Variants in ZAN observed in about 807,000 individuals in gnomAD.
ZAN encodes zonadhesin (gene/pseudogene).
Under a neutral mutation model 286.2 loss-of-function variants are expected in ZAN, and 260 were observed. That is an observed-to-expected ratio of 0.91 (90% CI 0.82 to 1.01). The LOEUF is 1.01. Among genes scored for constraint, ZAN ranks in the 50% least tolerant of loss-of-function variants. The pLI, the probability that ZAN is intolerant of heterozygous loss-of-function variation, is 0.00. For missense variants in ZAN, 3,410 were observed against 3,639.2 expected (o/e 0.94, Z 1.62); for synonymous variants, 1,368 against 1,417.5 (o/e 0.97, Z 0.79).
chr7:100,736,681 C>G lies in ZAN; in HGVS notation c.253+52C>G. On this transcript the variant is annotated intron_variant, in intron 4 of 47. Transcript: ENST00000613979. ...CATGAGCAGGGAGGTGGCTGGGAGGCGGGAGTGGCTAGATGGAGAGAGAAG... is the reference window on the plus strand; with the variant it reads ...CATGAGCAGGGAGGTGGCTGGGAGGGGGGAGTGGCTAGATGGAGAGAGAAG... The G allele has an allele frequency of 3.3e-6, 5 of 1,507,774 alleles. 2 individuals are homozygous for G. The highest frequency in any genetic ancestry group is 2.7e-6 in the Non-Finnish European group (3 of 1,101,194). The allele number at this position is 1,507,774 out of a possible 1,614,324, so 93.4% of individuals were successfully genotyped here.
rs754141999 is a variant in ZAN, at chr7:100,765,515, C to G, written c.4431C>G (p.Ser1477=). 71 of 1,610,640 alleles carry G rather than the reference C, an allele frequency of 4.4e-5. No individual in the cohort carries two copies. In the East Asian group the frequency reaches 1.5e-3, roughly 35 times the overall value. ...GTGGCCTCGAGTGCATACCTCGCTC[C>G]CAGTGTGGGTGCCTCCACCCTGCAG... The part of the protein sequence containing the change: ...VLSGLECIPR[S]QCGCLHPAGS... The change falls in exon 23 of 48, where the codon TCC becomes TCG. Residue 1477 remains serine (S), a synonymous_variant. Coordinates refer to ENST00000613979, the MANE Select transcript of ZAN (RefSeq NM_003386.3).
At chr7:100,787,420 A>T (rs528342017) in intron 37 of ZAN, among the ~76,000 whole-genome samples, 1 of 152,182 alleles carries the variant, frequency 6.6e-6, no homozygotes, top group East Asian at 1.9e-4. Flanking sequence ...CTGTCTCAAA[A>T]AAAGAAAAAG....
At chr7:100,734,708 T>C (rs897966592) in intron 2 of ZAN, among the ~76,000 whole-genome samples, 3 of 137,874 alleles carry the variant, frequency 2.2e-5, no homozygotes, top group African/African-American at 8.0e-5. Flanking sequence ...TGAACAGGAA[T>C]TAAGGGGCGG....
At chr7:100,750,989 C>G in intron 12 of ZAN, 93 bp downstream of exon 12, 1 of 1,494,094 alleles carries the variant, frequency 6.7e-7, no homozygotes, top group South Asian at 1.4e-5. Flanking sequence ...AGGTGGAAAG[C>G]TGGAAAGAGA....
rs1340114854 is a variant in ZAN at position 100,763,859 on chromosome 7, G to C, written c.4040G>C (p.Ser1347Thr). 1 of 1,614,062 alleles carries C rather than the reference G, an allele frequency of 6.2e-7. No individual in the cohort carries two copies. The highest frequency in any genetic ancestry group is 1.7e-5 in the Admixed American group (1 of 60,026). ...NSPSCDSSLQ[S>T]SMSGPGFCGR... ...CCGTCTTGTGATTCATCTCTGCAGA[G>C]CAGCATGTCGGGGCCAGGGTTCTGT... The change falls in exon 21 of 48, where the codon AGC (serine) becomes ACC (threonine). Residue 1347 changes from serine (S) to threonine (T), a missense_variant. By Grantham distance (58) the Ser-to-Thr change is moderately conservative. Around this residue, in one of 7 missense-constraint regions of ZAN, gnomAD observed 1,042 missense variants for 1,058.0 expected, o/e 0.98. Coordinates refer to ENST00000613979, the MANE Select transcript of ZAN (RefSeq NM_003386.3). This position sits in a 1 kb window ranked among gnomAD's most constrained non-coding sequence, Gnocchi z 4.6.
Position 100,736,884 on chromosome 7 carries a change from G to T in ZAN, c.329G>T (p.Trp110Leu). The T allele has an allele frequency of 6.7e-7, 1 of 1,487,742 alleles. No homozygotes were observed. The highest frequency in any genetic ancestry group is 9.2e-7 in the Non-Finnish European group (1 of 1,089,664). The allele number at this position is 1,487,742 out of a possible 1,614,324, so 92.2% of individuals were successfully genotyped here. ...GCCCGCCTGCTCAGCCCCGACCTATGGGAGCAAGGCCCCCTCTGTGTGCAC... is the reference window on the plus strand; with the variant it reads ...GCCCGCCTGCTCAGCCCCGACCTATTGGAGCAAGGCCCCCTCTGTGTGCAC... ...GVARLLSPDL[W>L]EQGPLCVHFA... The change falls in exon 5 of 48, where the codon TGG becomes TTG. Residue 110 changes from tryptophan to leucine, a missense_variant. This residue lies in a region of ZAN where 872 missense variants were observed against 938.9 expected (regional missense o/e 0.93). Transcript: ENST00000613979.
At chr7:100,788,231 G>A in intron 38 of ZAN, 95 bp downstream of exon 38, 1 of 1,399,214 alleles carries the variant, frequency 7.1e-7, no homozygotes. Context: ...TCCCTGGGAT[G>A]TTTGTGGCAG....
At chr7:100,746,945 C>T (rs1808265788) in intron 8 of ZAN, among the ~76,000 whole-genome samples, 1 of 152,018 alleles carries the variant, frequency 6.6e-6, no homozygotes, top group Middle Eastern at 3.2e-3. Context: ...ACTAAAAATA[C>T]AAAAATTAGC....
Position 100,766,519 on chromosome 7 carries a change from C to T in ZAN, c.4471-6C>T. Reference sequence around the variant, plus strand: ...CTTTCTCTTCCTTCCCTGCTGTCTTCCCCAGGTAGGGGAGCGGTGGTACAA... The same window carrying T: ...CTTTCTCTTCCTTCCCTGCTGTCTTTCCCAGGTAGGGGAGCGGTGGTACAA... On this transcript the variant is annotated splice_polypyrimidine_tract_variant and splice_region_variant and intron_variant, in intron 23 of 47. Transcript: ENST00000613979. The T allele has an allele frequency of 1.9e-6, 3 of 1,548,066 alleles. No individual in the cohort carries two copies. The highest frequency in any genetic ancestry group is 2.6e-6 in the Non-Finnish European group (3 of 1,144,782).
In ZAN at chr7:100,750,722, C is replaced by T. The variant is rs368078446; in HGVS notation, c.1347C>T (p.Cys449=). ...SRPFCAPGDI[C]VEFAYHMYGL... ...CCTTCTGCGCCCCAGGTGACATCTG[C>T]GTGGAGTTCGCATACCACATGTATG... The change falls in exon 12 of 48, where the codon TGC becomes TGT. Residue 449 remains cysteine (C), a synonymous_variant. Coordinates refer to ENST00000613979, the MANE Select transcript of ZAN (RefSeq NM_003386.3). 340 of 1,612,884 alleles carry T rather than the reference C, an allele frequency of 2.1e-4. No individual in the cohort carries two copies. The highest frequency in any genetic ancestry group is 4.9e-4 in the Middle Eastern group (3 of 6,062).
At chr7:100,797,660 T>C in intron 47 of ZAN, 37 bp downstream of exon 47, 1 of 1,614,012 alleles carries the variant, frequency 6.2e-7, no homozygotes, top group Non-Finnish European at 8.5e-7. Context: ...CCTCGGGGCC[T>C]AGAGTTGAGT....
intron 7 of ZAN, 129 bp from the exon 8 acceptor site, chr7:100,746,409 G>T: frequency 1.6e-6 from 2 of 1,220,294 alleles, no homozygotes; most frequent in East Asian, 5.1e-5. Context: ...GACCACCTCA[G>T]TGCTGCCTGA....
intron 37 of ZAN, among the ~76,000 whole-genome samples, chr7:100,787,558 GTTTTGTT>G (rs71876757): frequency 0.034 from 4,726 of 139,824 alleles, 186 homozygotes; most frequent in South Asian, 0.13. Context: ...TCAGTCTTTT[GTTTTGTT>G]TTTTGTTTTT....
At chr7:100,785,256 C>G (rs1175047804) in intron 36 of ZAN, among the ~76,000 whole-genome samples, 1 of 132,306 alleles carries the variant, frequency 7.6e-6, no homozygotes, top group Admixed American at 8.2e-5. Flanking sequence ...GAGACGGAGT[C>G]TCCCTCTATT....
In ZAN at chr7:100,788,174, C is replaced by A; in HGVS notation, c.7227+38C>A. 2 of 1,440,760 alleles carry A rather than the reference C, an allele frequency of 1.4e-6. 1 individual carries two copies. The highest frequency in any genetic ancestry group is 3.1e-5 in the South Asian group (2 of 63,952). The allele number at this position is 1,440,760 out of a possible 1,614,324, so 89.2% of individuals were successfully genotyped here. A position where few individuals can be genotyped will look rare whatever the true frequency, so the allele number is the denominator to read the frequency against. On this transcript the variant is annotated intron_variant, in intron 38 of 47. Transcript: ENST00000613979. ...CCAGGGCCTGGTGGGTGTGGGGAGG[C>A]AGCTGGACCAGGTAGGCCACCTGGA...
chr7:100,789,327 T>C lies in ZAN; in HGVS notation c.7337T>C (p.Phe2446Ser). The C allele has an allele frequency of 4.3e-6, 7 of 1,613,480 alleles. No individual in the cohort carries two copies. Among genetic ancestry groups the C allele is most frequent in the Non-Finnish European group, 5.1e-6 (6 of 1,179,674 alleles). The change falls in exon 39 of 48, where the codon TTT (phenylalanine) becomes TCT (serine). Residue 2446 changes from phenylalanine to serine, a missense_variant. Phe to Ser is a radical substitution (Grantham distance 155). Coordinates refer to ENST00000613979, the MANE Select transcript of ZAN (RefSeq NM_003386.3). ...LVTDFELVVS[F>S]GGRKNAVISL... Reference sequence around the variant, plus strand: ...ACCGACTTTGAGCTGGTCGTCAGCTTTGGTGGAAGGAAAAATGCAGGTAAT... The same window carrying C: ...ACCGACTTTGAGCTGGTCGTCAGCTCTGGTGGAAGGAAAAATGCAGGTAAT...
rs1225929415 is a variant in ZAN, at chr7:100,776,472, G to A, written c.6225G>A (p.Glu2075=). The change falls in exon 34 of 48, where the codon GAG becomes GAA. Residue 2075 remains glutamate, a synonymous_variant. Coordinates refer to ENST00000613979, the MANE Select transcript of ZAN (RefSeq NM_003386.3). ...VCGMCGNFND[E]EEDELMMPSD... ...GCATGTGTGGGAACTTCAATGATGA[G>A]GAAGAGGACGAACTAATGATGCCCA... 2 of 1,603,568 alleles carry A rather than the reference G, an allele frequency of 1.2e-6. No individual in the cohort carries two copies. The highest frequency in any genetic ancestry group is 1.7e-6 in the Non-Finnish European group (2 of 1,174,978).
chr7:100,793,045 A>C (rs566339136), intron 42 of ZAN, among the ~76,000 whole-genome samples: 2 of 151,256 alleles, frequency 1.3e-5, no homozygotes, highest in Non-Finnish European at 2.9e-5. Context: ...TAAAAAAAGA[A>C]AAGACTAGAC....
At chr7:100,751,140 A>G (rs1808632738) in intron 12 of ZAN, 42 bp from the exon 13 acceptor site, 2 of 1,505,076 alleles carry the variant, frequency 1.3e-6, no homozygotes, top group East Asian at 4.6e-5. Flanking sequence ...CTGGAGATTC[A>G]TTTTTGTTTC....
Sources: gnomAD v4.1 joint callset for allele counts (sites outside exome capture counted in the v4.1 genomes callset) on GRCh38, gnomAD v4.1.1 for gene constraint, gnomAD v4.1.1 regional missense constraint, Gnocchi (gnomAD v3.1) non-coding constraint, MANE v1.5 for transcripts, NCBI Gene and HGNC (gene_info 2026-07-23, HGNC 2026-07-21) for gene names.